GABRR1: variants seen among roughly 807,000 people sequenced by gnomAD.
The protein encoded by GABRR1 is gamma-aminobutyric acid type A receptor subunit rho1.
A neutral mutation model predicts 55.5 loss-of-function variants in GABRR1; 59 were observed. That is an observed-to-expected ratio of 1.06 (90% confidence interval 0.86 to 1.32). The LOEUF is 1.32. GABRR1 is among the 40% of genes most tolerant of loss of function. The probability of loss-of-function intolerance (pLI) is 0.00; values close to 1 mark genes in which losing one functional copy is unlikely to be tolerated. For missense variants in GABRR1, 602 were observed against 619.1 expected, an observed-to-expected ratio of 0.97 and a Z score of 0.29; for synonymous variants, 213 against 226.0, an observed-to-expected ratio of 0.94 and a Z score of 0.51.
intron 8 of GABRR1, among the ~76,000 whole-genome samples, chr6:89,180,933 C>T (rs1771699808): frequency 6.6e-6 from 1 of 152,162 alleles, no homozygotes. Context: ...TCCTGTTGTC[C>T]TGGGCCTGCG....
chr6:89,224,255 C>A (rs543580993), intron 1 of GABRR1, among the ~76,000 whole-genome samples: 1 of 151,906 alleles, frequency 6.6e-6, no homozygotes, highest in Non-Finnish European at 1.5e-5. Flanking sequence ...CCACGCCCAG[C>A]TAATTTTTGT....
At chr6:89,228,895 C>G (rs951032717) in intron 1 of GABRR1, among the ~76,000 whole-genome samples, 4 of 150,938 alleles carry the variant, frequency 2.7e-5, no homozygotes, top group Non-Finnish European at 5.9e-5. Context: ...GTGTGGGAGT[C>G]TAAGTCTCTT....
rs114184253 is a variant in GABRR1 at position 89,187,467 on chromosome 6, T to C, written c.656-2017A>G. Among the ~76,000 whole-genome samples, 775 of 152,336 alleles carry C rather than the reference T, an allele frequency of 5.1e-3. 5 individuals are homozygous for C. Among genetic ancestry groups the C allele is most frequent in the African/African-American group, 0.018 (749 of 41,562 alleles). ...ATTTACTCTGTTGATAATGTTTTGA[T>C]GCACAGCATTTTAAAATTTTCATGT... On this transcript the variant is annotated intron_variant, in intron 6 of 9. Transcript: ENST00000454853.
At chr6:89,194,243 C>A (rs1455866050) in intron 5 of GABRR1, among the ~76,000 whole-genome samples, 1 of 152,134 alleles carries the variant, frequency 6.6e-6, no homozygotes, top group Admixed American at 6.5e-5. Context: ...TGGGCACGAA[C>A]CCCTAGCCAG....
At chr6:89,230,962 G>A (rs1251812786) in intron 1 of GABRR1, among the ~76,000 whole-genome samples, 5 of 151,768 alleles carry the variant, frequency 3.3e-5, no homozygotes, top group South Asian at 2.1e-4. Context: ...ATATAGTCTC[G>A]TGGTGCGCCG....
At chr6:89,221,593 A>C (rs955715341), upstream of GABRR1, 3 of 152,258 alleles carry the variant, frequency 2.0e-5, no homozygotes, top group African/African-American at 4.8e-5. Flanking sequence ...ATATGCAAAT[A>C]CTACCCCATT....
chr6:89,179,329 C>T (rs1468122040), intron 9 of GABRR1, among the ~76,000 whole-genome samples: 1 of 152,102 alleles, frequency 6.6e-6, no homozygotes, highest in Non-Finnish European at 1.5e-5. Flanking sequence ...AAGTGATTCT[C>T]TTGCCTCAGC....
intron 1 of GABRR1, among the ~76,000 whole-genome samples, chr6:89,204,934 T>C (rs1772597252): frequency 6.6e-6 from 1 of 152,186 alleles, no homozygotes; most frequent in African/African-American, 2.4e-5. Flanking sequence ...AATTATAATA[T>C]ATCATGGAAT....
chr6:89,196,495 G>T (rs1393911687), intron 5 of GABRR1, among the ~76,000 whole-genome samples: 3 of 152,154 alleles, frequency 2.0e-5, no homozygotes, highest in African/African-American at 7.2e-5. Flanking sequence ...AGTGGGCCAG[G>T]TGTGGTGGCT....
At chr6:89,181,763 A>G (rs1771728302) in intron 8 of GABRR1, 142 bp downstream of exon 8, 1 of 822,130 alleles carries the variant, frequency 1.2e-6, no homozygotes, top group East Asian at 2.7e-5. Flanking sequence ...TTTTAACTAT[A>G]AATAAATAAC....
chr6:89,193,685 A>G (rs1041255182), intron 5 of GABRR1, among the ~76,000 whole-genome samples: 3 of 152,224 alleles, frequency 2.0e-5, no homozygotes, highest in Non-Finnish European at 2.9e-5. Context: ...TAAATGTCAC[A>G]TTAAAAAACA....
At chr6:89,188,769 G>C (rs1771992829) in intron 6 of GABRR1, among the ~76,000 whole-genome samples, 1 of 152,044 alleles carries the variant, frequency 6.6e-6, no homozygotes, top group African/African-American at 2.4e-5. Context: ...TTTTCATGTA[G>C]TCCAATTTGC....
chr6:89,214,530 A>G (rs1772930530), intron 1 of GABRR1, among the ~76,000 whole-genome samples: 1 of 152,206 alleles, frequency 6.6e-6, no homozygotes, highest in Non-Finnish European at 1.5e-5. Context: ...TCTAAAATAT[A>G]TAAGGAACTC....
intron 1 of GABRR1, among the ~76,000 whole-genome samples, chr6:89,224,527 T>C (rs1433340238): frequency 1.3e-5 from 2 of 152,250 alleles, no homozygotes; most frequent in Non-Finnish European, 1.5e-5. Context: ...TGGAATTTTT[T>C]TCTCCTGTAA....
rs559535249 is a variant in GABRR1, at chr6:89,214,111, T to C, written c.122+3090A>G. On this transcript the variant is annotated intron_variant, in intron 1 of 9. Transcript: ENST00000454853. Reference sequence around the variant, plus strand: ...TCTTTCTTTCTCTTGTCTAACTGCTTTGGCAAGGACTTCTGGTACTATGGT... The same window carrying C: ...TCTTTCTTTCTCTTGTCTAACTGCTCTGGCAAGGACTTCTGGTACTATGGT... 3.9e-5 allele frequency among the ~76,000 whole-genome samples: 6 copies of C among 152,178 alleles called. No individual in the cohort carries two copies. The South Asian group carries it at 1.2e-3, about 32-fold the overall frequency.
intron 8 of GABRR1, among the ~76,000 whole-genome samples, chr6:89,181,353 G>T (rs1055238682): frequency 6.6e-6 from 1 of 152,140 alleles, no homozygotes; most frequent in Non-Finnish European, 1.5e-5. Flanking sequence ...AATATTTAAG[G>T]TGAGAAAAAG....
At chr6:89,208,055 G>A (rs1237745700) in intron 1 of GABRR1, among the ~76,000 whole-genome samples, 1 of 152,248 alleles carries the variant, frequency 6.6e-6, no homozygotes, top group Non-Finnish European at 1.5e-5. Flanking sequence ...GCCTCCCTGA[G>A]ATGTGAGAGG....
Position 89,180,300 on chromosome 6 carries a change from G to A in GABRR1, c.1138C>T (p.Arg380Trp), listed in dbSNP as rs778032711. Residue 380 changes from arginine (R) to tryptophan (W), a missense_variant, in exon 9 of 10, where the codon CGG (arginine) becomes TGG (tryptophan). Arg to Trp is a moderately radical substitution (Grantham distance 101). Coordinates refer to ENST00000454853, the MANE Select transcript of GABRR1 (RefSeq NM_002042.5). Reference sequence around the variant, plus strand: ...GCGCATGGCAAAGTCACCTTCTCCCGCAGCTTCTGTTCCTTCCTCTCCTGC... The same window carrying A: ...GCGCATGGCAAAGTCACCTTCTCCCACAGCTTCTGTTCCTTCCTCTCCTGC... ...TVQERKEQKLREKLPCTSGLP... is the reference protein window; with the variant it reads ...TVQERKEQKLWEKLPCTSGLP... The A allele has an allele frequency of 1.3e-5, 21 of 1,612,490 alleles. No homozygotes were observed. Among genetic ancestry groups the A allele is most frequent in the East Asian group, 6.7e-5 (3 of 44,874 alleles).
At chr6:89,201,918 A>G (rs1294192584) in intron 2 of GABRR1, among the ~76,000 whole-genome samples, 1 of 152,106 alleles carries the variant, frequency 6.6e-6, no homozygotes, top group Non-Finnish European at 1.5e-5. Context: ...AGCTGGTTCT[A>G]GTCTTGTTAT....
Sources: gnomAD v4.1 joint callset for allele counts (sites outside exome capture counted in the v4.1 genomes callset) on GRCh38, gnomAD v4.1.1 for gene constraint, MANE v1.5 for transcripts, NCBI Gene and HGNC (gene_info 2026-07-23, HGNC 2026-07-21) for gene names.